The following ATG5 variants were observed in gnomAD, a reference collection of about 807,000 sequenced individuals.
ATG5 encodes the protein autophagy related 5.
A neutral mutation model predicts 36.5 loss-of-function variants in ATG5; 14 were observed. The observed-to-expected ratio is 0.38, with a 90% CI of 0.25 to 0.60. The LOEUF (loss-of-function observed/expected upper bound fraction) is 0.60, where lower values mean the gene tolerates loss of function less well. Among genes scored for constraint, ATG5 ranks in the 20% least tolerant of loss-of-function variants. The pLI, the probability that ATG5 is intolerant of heterozygous loss-of-function variation, is 0.60. For synonymous variants in ATG5, 95 were observed against 101.5 expected (o/e 0.94, Z 0.38); for missense variants, 195 against 326.7 (o/e 0.60, Z 3.11).
chr6:106,280,644 A>G (rs905212465), intron 4 of ATG5, among the ~76,000 whole-genome samples: 3 of 152,154 alleles, frequency 2.0e-5, no homozygotes, highest in Non-Finnish European at 4.4e-5. Context: ...AAAAGATAAT[A>G]ACAGCTAACA....
At chr6:106,197,429 A>T (rs569398545) in intron 7 of ATG5, among the ~76,000 whole-genome samples, 1 of 137,098 alleles carries the variant, frequency 7.3e-6, no homozygotes, top group East Asian at 2.2e-4. Context: ...TGATAAAATC[A>T]TTTGTTATAG....
chr6:106,324,222 T>C (rs896482724), intron 1 of ATG5, among the ~76,000 whole-genome samples: 1 of 152,218 alleles, frequency 6.6e-6, no homozygotes, highest in East Asian at 1.9e-4. Context: ...TGAACATGTA[T>C]AGACTCTTTT....
At chr6:106,186,751 A>G in intron 7 of ATG5, 75 bp from the exon 8 acceptor site, 1 of 1,503,082 alleles carries the variant, frequency 6.7e-7, no homozygotes, top group East Asian at 2.3e-5. Context: ...GCCTTTTGAG[A>G]ATCCTTAGTG....
At chr6:106,235,332 C>T (rs1028144899) in intron 6 of ATG5, among the ~76,000 whole-genome samples, 2 of 152,160 alleles carry the variant, frequency 1.3e-5, no homozygotes, top group African/African-American at 4.8e-5. Flanking sequence ...CCTACTAGCC[C>T]ATGCTCCAAT....
At chr6:106,269,637 C>T (rs955274990) in intron 5 of ATG5, among the ~76,000 whole-genome samples, 57 of 152,248 alleles carry the variant, frequency 3.7e-4, no homozygotes, top group Non-Finnish European at 5.6e-4. Context: ...CCTCCGCAGC[C>T]GCTGGCCCGG....
At chr6:106,189,812 A>C (rs1453929658) in intron 7 of ATG5, among the ~76,000 whole-genome samples, 1 of 152,184 alleles carries the variant, frequency 6.6e-6, no homozygotes, top group African/African-American at 2.4e-5. Flanking sequence ...AAAATGACTC[A>C]GGAGAAAAAT....
chr6:106,260,511 C>T (rs995272038), intron 5 of ATG5, among the ~76,000 whole-genome samples: 5 of 152,122 alleles, frequency 3.3e-5, no homozygotes, highest in East Asian at 1.9e-4. Context: ...ACTTTGAAGA[C>T]GATAATCAGG....
intron 5 of ATG5, among the ~76,000 whole-genome samples, chr6:106,252,747 A>C (rs557667779): frequency 1.3e-5 from 2 of 152,206 alleles, no homozygotes; most frequent in East Asian, 3.9e-4. Flanking sequence ...GCTGGCTAGG[A>C]CCCTCATGCA....
intron 5 of ATG5, among the ~76,000 whole-genome samples, chr6:106,253,186 G>C (rs1362244576): frequency 6.6e-6 from 1 of 152,172 alleles, no homozygotes; most frequent in Non-Finnish European, 1.5e-5. Context: ...GCTGCCAAAA[G>C]CAGGTTTTCA....
At chr6:106,207,080 AG>A in intron 6 of ATG5, among the ~76,000 whole-genome samples, 1 of 152,218 alleles carries the variant, frequency 6.6e-6, no homozygotes, top group South Asian at 2.1e-4. Context: ...TCCAAGAAAC[AG>A]TATTACTCTC....
chr6:106,307,250 T>C (rs1335362483), intron 3 of ATG5, among the ~76,000 whole-genome samples: 1 of 152,234 alleles, frequency 6.6e-6, no homozygotes, highest in Non-Finnish European at 1.5e-5. Flanking sequence ...TATTCCCCGA[T>C]TCAGAGAGCA....
chr6:106,186,684 A>T lies in ATG5; in HGVS notation c.692-8T>A. The T allele has an allele frequency of 1.9e-6, 3 of 1,612,766 alleles. No homozygotes were observed. In the South Asian group the frequency reaches 3.3e-5, roughly 18 times the overall value. On this transcript the variant is annotated splice_region_variant and splice_polypyrimidine_tract_variant and intron_variant, in intron 7 of 7. Coordinates refer to ENST00000369076, the MANE Select transcript of ATG5 (RefSeq NM_004849.4). ...GATTCTTTTTTTCCCCATCTATTCC[A>T]AGAAAGAAACCCAACAACAATAAAA... is the stretch of plus-strand genomic sequence containing the variant.
chr6:106,191,577 A>G (rs992885313), intron 7 of ATG5, among the ~76,000 whole-genome samples: 1 of 152,160 alleles, frequency 6.6e-6, no homozygotes, highest in Non-Finnish European at 1.5e-5. Flanking sequence ...AGTGTGAACA[A>G]AGAATTCTAA....
At chr6:106,195,808 T>C (rs1424738555) in intron 7 of ATG5, among the ~76,000 whole-genome samples, 125 of 91,354 alleles carry the variant, frequency 1.4e-3, no homozygotes, top group Non-Finnish European at 2.5e-3. Context: ...TGCTCCCCTC[T>C]AAAAAAAAAA....
chr6:106,201,305 G>A (rs1280838891), intron 7 of ATG5, among the ~76,000 whole-genome samples: 2 of 146,980 alleles, frequency 1.4e-5, no homozygotes, highest in African/African-American at 5.1e-5. Flanking sequence ...GTGTGTGTGT[G>A]TCTCAACAGT....
rs551687091 is a variant in ATG5 at position 106,311,404 on chromosome 6, A to C, written c.109-2913T>G. Among the ~76,000 whole-genome samples, 11 of 152,354 alleles carry C rather than the reference A, an allele frequency of 7.2e-5. No individual in the cohort carries two copies. In the South Asian group the frequency reaches 2.1e-3, roughly 29 times the overall value. ...AGGCCTTGACACGAAGTGTATCTTA[A>C]GGCAAAGAGTCAAAAGACAAATAGG... On this transcript the variant is annotated intron_variant, in intron 2 of 7. Coordinates refer to ENST00000369076, the MANE Select transcript of ATG5 (RefSeq NM_004849.4).
intron 6 of ATG5, among the ~76,000 whole-genome samples, chr6:106,246,370 T>C (rs1204574064): frequency 9.7e-6 from 1 of 103,210 alleles, no homozygotes; most frequent in Non-Finnish European, 1.9e-5. Context: ...TCTCTGTCTC[T>C]GTCTCTCTCT....
chr6:106,236,971 T>C (rs1156327647), intron 6 of ATG5, among the ~76,000 whole-genome samples: 1 of 152,170 alleles, frequency 6.6e-6, no homozygotes, highest in Non-Finnish European at 1.5e-5. Flanking sequence ...CATATAAACA[T>C]ATATTAATTT....
chr6:106,228,794 C>T (rs1444073961), intron 6 of ATG5, among the ~76,000 whole-genome samples: 1 of 152,168 alleles, frequency 6.6e-6, no homozygotes, highest in African/African-American at 2.4e-5. Flanking sequence ...TTAGCATGGC[C>T]GCCAGACTTT....
Sources: allele counts gnomAD v4.1 joint callset (sites outside exome capture counted in the v4.1 genomes callset), GRCh38; gene constraint gnomAD v4.1.1; transcripts MANE v1.5; gene names NCBI Gene and HGNC (gene_info 2026-07-23, HGNC 2026-07-21).